Variants in TRPM7 observed in about 807,000 individuals in gnomAD.
TRPM7 encodes transient receptor potential cation channel subfamily M member 7.
In TRPM7, 134 loss-of-function variants were observed where a neutral mutation model predicts 229.7. That is an observed-to-expected ratio of 0.58 (90% CI 0.51 to 0.67). TRPM7 has a LOEUF of 0.67. TRPM7 is among the 30% of genes least tolerant of loss of function. The pLI is 0.00. For synonymous variants in TRPM7, 699 were observed against 715.2 expected, an observed-to-expected ratio of 0.98 and a Z score of 0.36; for missense variants, 1,901 against 2,210.0, an observed-to-expected ratio of 0.86 and a Z score of 2.80.
At chr15:50,580,784 G>T in intron 30 of TRPM7, 90 bp downstream of exon 30, 2 of 1,203,490 alleles carry the variant, frequency 1.7e-6, no homozygotes, top group Non-Finnish European at 2.3e-6. Context: ...ATAAAGAAAT[G>T]TTAAAGAGAT....
intron 30 of TRPM7, among the ~76,000 whole-genome samples, chr15:50,579,234 G>GA (rs1336900112): frequency 6.6e-6 from 1 of 152,142 alleles, no homozygotes; most frequent in Non-Finnish European, 1.5e-5. Flanking sequence ...AGGTAGAGTG[G>GA]AAAAGAGAAC....
chr15:50,641,322 A>G (rs1316494381), intron 5 of TRPM7, among the ~76,000 whole-genome samples: 1 of 151,340 alleles, frequency 6.6e-6, no homozygotes, highest in Non-Finnish European at 1.5e-5. Context: ...ATCACCTAGC[A>G]CTCTCTGCTT....
chr15:50,621,173 A>C (rs547586873), intron 12 of TRPM7, among the ~76,000 whole-genome samples: 49 of 151,616 alleles, frequency 3.2e-4, no homozygotes, highest in Admixed American at 3.0e-3. Context: ...AAAAAAAAAA[A>C]AAAAAAAAAC....
At chr15:50,607,113 C>G (rs1313654773) in intron 20 of TRPM7, 87 bp downstream of exon 20, 1 of 1,210,088 alleles carries the variant, frequency 8.3e-7, no homozygotes, top group Non-Finnish European at 1.2e-6. Context: ...CACACACACC[C>G]CCCTACGTAT....
intron 1 of TRPM7, among the ~76,000 whole-genome samples, chr15:50,673,525 G>C (rs766133351): frequency 2.0e-5 from 3 of 151,994 alleles, no homozygotes; most frequent in African/African-American, 7.3e-5. Flanking sequence ...ATGATGTTTG[G>C]TTTTCCATTC....
intron 13 of TRPM7, among the ~76,000 whole-genome samples, chr15:50,619,408 G>A (rs369295740): frequency 9.9e-5 from 15 of 151,834 alleles, no homozygotes; most frequent in Admixed American, 3.9e-4. Flanking sequence ...TTTTCGTAGC[G>A]ATGGGATTTC....
intron 4 of TRPM7, among the ~76,000 whole-genome samples, chr15:50,647,183 T>G (rs1036950695): frequency 7.9e-5 from 12 of 152,162 alleles, no homozygotes; most frequent in Non-Finnish European, 1.5e-4. Flanking sequence ...CAGGCTGGAG[T>G]GCAGTGGCGC....
intron 4 of TRPM7, among the ~76,000 whole-genome samples, chr15:50,645,089 G>C (rs527632946): frequency 1.3e-5 from 2 of 152,096 alleles, no homozygotes; most frequent in Non-Finnish European, 2.9e-5. Context: ...ATTTTTTGTA[G>C]ACACAAGGTT....
chr15:50,596,901 C>T (rs1270906842), intron 22 of TRPM7, among the ~76,000 whole-genome samples: 1 of 152,162 alleles, frequency 6.6e-6, no homozygotes, highest in African/African-American at 2.4e-5. Context: ...CAGGCATGCG[C>T]CACCATGCCC....
At position 50,657,742 on chromosome 15, in the gene TRPM7, T is replaced by C. The variant is rs200790082; in HGVS notation, c.122+39A>G. On this transcript the variant is annotated intron_variant, in intron 3 of 38. Coordinates refer to ENST00000646667, the MANE Select transcript of TRPM7 (RefSeq NM_017672.6). The stretch of plus-strand genomic sequence containing the variant: ...ATTTCTAATAGATTAGTTTTATTTA[T>C]TTTCCGAAATTTGTGCGGTATAGTT... 33 of 1,585,622 alleles carry C rather than the reference T, an allele frequency of 2.1e-5. No homozygotes were observed. In the Admixed American group the frequency reaches 4.3e-4, roughly 21 times the overall value.
At chr15:50,644,684 C>G (rs1346627131) in intron 4 of TRPM7, among the ~76,000 whole-genome samples, 1 of 151,228 alleles carries the variant, frequency 6.6e-6, no homozygotes, top group Non-Finnish European at 1.5e-5. Context: ...GTAATCCCAG[C>G]TACTTGGGAG....
chr15:50,670,135 T>C (rs1397997353), intron 1 of TRPM7, among the ~76,000 whole-genome samples: 2 of 152,086 alleles, frequency 1.3e-5, no homozygotes, highest in Admixed American at 6.6e-5. Flanking sequence ...GAGACCTTAA[T>C]AGTTAGGCAG....
chr15:50,648,881 A>C lies in TRPM7; in HGVS notation c.127T>G (p.Phe43Val), dbSNP rs1385391933. ...TGTTGCTTGACCAAGCGACCACAAA[A>C]ACACCTAAAAGAAAAAGGTGAGATT... ...CQICQQLVRC[F>V]CGRLVKQHAC... The change falls in exon 4 of 39, where the codon TTT becomes GTT. Residue 43 changes from phenylalanine to valine, a missense_variant. Phe to Val is a conservative substitution (Grantham distance 50). This residue lies in a region of TRPM7 where 794 missense variants were observed against 881.9 expected (regional missense o/e 0.90). Transcript: ENST00000646667. 1 of 1,603,348 alleles carries C rather than the reference A, an allele frequency of 6.2e-7. No individual in the cohort carries two copies. The highest frequency in any genetic ancestry group is 1.3e-5 in the African/African-American group (1 of 74,750).
rs1243473110 is a variant in TRPM7, at chr15:50,557,250, G to A, written c.*4428C>T. 1 of 152,158 alleles carries A rather than the reference G, an allele frequency of 6.6e-6. No individual in the cohort carries two copies. Among genetic ancestry groups the A allele is most frequent in the East Asian group, 1.9e-4 (1 of 5,186 alleles). The allele number at this position is 152,158 out of a possible 1,614,324, so 9.4% of individuals were successfully genotyped here. On this transcript the variant is annotated 3_prime_UTR_variant, in exon 39 of 39. Transcript: ENST00000646667. Reference sequence around the variant, plus strand: ...ACAACATTACGACCCATCTCTTCAAGAGGAAGTCTGGTATTATGGAAAAAC... The same window carrying A: ...ACAACATTACGACCCATCTCTTCAAAAGGAAGTCTGGTATTATGGAAAAAC...
chr15:50,648,762 C>G lies in TRPM7; in HGVS notation c.246G>C (p.Lys82Asn), dbSNP rs1396666995. 1.2e-6 allele frequency: 2 copies of G among 1,613,652 alleles called. No individual in the cohort carries two copies. The highest frequency in any genetic ancestry group is 2.2e-5 in the South Asian group (2 of 91,028). Residue 82 changes from lysine (K) to asparagine (N), a missense_variant, in exon 4 of 39, where the codon AAG becomes AAC. This residue lies in a region of TRPM7 where 794 missense variants were observed against 881.9 expected (regional missense o/e 0.90). Transcript: ENST00000646667. ...CATCCGTTGGGCTCTGTTCTGTATG[C>G]TTTTCCACAGACCATTCTTCTATTG... Reference protein sequence around the residue: ...NQAIEEWSVEKHTEQSPTDAY... With the variant: ...NQAIEEWSVENHTEQSPTDAY...
chr15:50,675,186 T>C (rs2062067074), intron 1 of TRPM7, among the ~76,000 whole-genome samples: 1 of 151,940 alleles, frequency 6.6e-6, no homozygotes, highest in Non-Finnish European at 1.5e-5. Flanking sequence ...CTACTAAAAA[T>C]ATAAAAATTA....
chr15:50,576,565 T>G (rs1234649237), intron 31 of TRPM7, among the ~76,000 whole-genome samples: 1 of 152,192 alleles, frequency 6.6e-6, no homozygotes. Context: ...GAGTACCTAA[T>G]GCCTTTTGGT....
chr15:50,595,933 TAGAA>T (rs1323754898), intron 23 of TRPM7, among the ~76,000 whole-genome samples: 1 of 152,074 alleles, frequency 6.6e-6, no homozygotes. Flanking sequence ...AAAAAAATGA[TAGAA>T]AGGTGTACAC....
rs1223313114 is a variant in TRPM7 at position 50,612,586 on chromosome 15, C to T, written c.2014G>A (p.Val672Ile). 15 of 1,613,768 alleles carry T rather than the reference C, an allele frequency of 9.3e-6. No homozygotes were observed. The highest frequency in any genetic ancestry group is 1.3e-5 in the Non-Finnish European group (15 of 1,179,770). ...TTTAGTTCTTCTGAAGTATCATCTA[C>T]CAGGTCACTCTGCTTTGCTTCATAT... is the stretch of plus-strand genomic sequence containing the variant. ...MAYEAKQSDL[V>I]DDTSEELKQY... is the part of the protein sequence containing the mutation. The change falls in exon 16 of 39, where the codon GTA becomes ATA. Residue 672 changes from valine (V) to isoleucine (I), a missense_variant. Transcript: ENST00000646667.
Sources: allele counts gnomAD v4.1 joint callset (sites outside exome capture counted in the v4.1 genomes callset), GRCh38; gene constraint gnomAD v4.1.1; regional missense constraint gnomAD v4.1.1; transcripts MANE v1.5; gene names NCBI Gene and HGNC (gene_info 2026-07-23, HGNC 2026-07-21).